Variants in GALNT13 observed in about 807,000 individuals in gnomAD.
GALNT13 encodes the protein UDP-GalNAc:polypeptide N-acetylgalactosaminyltransferase 13.
Under a neutral mutation model 64.2 loss-of-function variants are expected in GALNT13, and 28 were observed. The observed-to-expected ratio is 0.44, with a 90% CI of 0.32 to 0.60. The LOEUF (loss-of-function observed/expected upper bound fraction) is 0.60. GALNT13 is among the 20% of genes least tolerant of loss of function. GALNT13 has a pLI of 0.05. For missense variants in GALNT13, 577 were observed against 669.8 expected (o/e 0.86, Z 1.53); for synonymous variants, 214 against 224.6 (o/e 0.95, Z 0.42).
At chr2:153,699,895 C>T in the GALNT13 span, among the ~76,000 whole-genome samples, 4 of 152,040 alleles carry the variant, frequency 2.6e-5, no homozygotes, top group Non-Finnish European at 2.9e-5. Context: ...GATTCACAGC[C>T]GAATTCTACC....
chr2:153,800,045 G>GCTCTCTTTCTCTCTCTCTCT, the GALNT13 span, among the ~76,000 whole-genome samples: 1 of 118,930 alleles, frequency 8.4e-6, no homozygotes, highest in Non-Finnish European at 1.8e-5. Context: ...CATTTAGTTT[G>GCTCTCTTTCTCTCTCTCTCT]CTCTCTCTCT....
chr2:153,314,362 A>G, the GALNT13 span, among the ~76,000 whole-genome samples: 1 of 152,190 alleles, frequency 6.6e-6, no homozygotes, highest in Admixed American at 6.5e-5. Flanking sequence ...GCCATTTTCA[A>G]TAATGGATAA....
chr2:153,399,753 G>A, the GALNT13 span, among the ~76,000 whole-genome samples: 1 of 152,138 alleles, frequency 6.6e-6, no homozygotes, highest in African/African-American at 2.4e-5. Context: ...AAGAATGCTT[G>A]TGATTTTTGT....
the GALNT13 span, among the ~76,000 whole-genome samples, chr2:153,118,146 C>CACACACACACA: frequency 6.9e-6 from 1 of 144,420 alleles, no homozygotes; most frequent in African/African-American, 2.7e-5. Flanking sequence ...CACACACACA[C>CACACACACACA]CCCACATAAA....
chr2:153,086,686 C>T, the GALNT13 span, among the ~76,000 whole-genome samples: 3 of 151,352 alleles, frequency 2.0e-5, no homozygotes, highest in African/African-American at 7.3e-5. Context: ...CAGACTAATA[C>T]TATTCCTAAG....
At chr2:153,538,363 TTTTA>T in the GALNT13 span, among the ~76,000 whole-genome samples, 1 of 108,470 alleles carries the variant, frequency 9.2e-6, no homozygotes, top group Admixed American at 1.1e-4. Flanking sequence ...TTTATTTTTA[TTTTA>T]TTTATTTTAT....
intron 10 of GALNT13, 127 bp downstream of exon 10, chr2:154,396,257 ACTT>A: frequency 2.0e-6 from 1 of 500,194 alleles, no homozygotes; most frequent in Non-Finnish European, 3.3e-6. Context: ...GTTTTAAACA[ACTT>A]CTCATATTTC....
chr2:153,402,221 A>G, the GALNT13 span, among the ~76,000 whole-genome samples: 1 of 150,976 alleles, frequency 6.6e-6, no homozygotes. Context: ...TTCTGGGTTG[A>G]AAATTCTTTT....
chr2:153,227,027 A>G, the GALNT13 span, among the ~76,000 whole-genome samples: 5 of 152,176 alleles, frequency 3.3e-5, no homozygotes, highest in African/African-American at 1.2e-4. Flanking sequence ...GAGTGGGGCA[A>G]TTCAAGCCAG....
At chr2:153,647,642 A>G in the GALNT13 span, among the ~76,000 whole-genome samples, 12 of 152,258 alleles carry the variant, frequency 7.9e-5, no homozygotes, top group South Asian at 1.7e-3. Flanking sequence ...TAATTTTTGT[A>G]TAAGGTGTAA....
the GALNT13 span, among the ~76,000 whole-genome samples, chr2:153,657,412 G>A: frequency 1.3e-5 from 2 of 152,034 alleles, no homozygotes; most frequent in Non-Finnish European, 2.9e-5. Context: ...CTGTGTGACA[G>A]GCATGGTACT....
chr2:154,212,560 A>T (rs1473628634), intron 4 of GALNT13, among the ~76,000 whole-genome samples: 1 of 151,908 alleles, frequency 6.6e-6, no homozygotes, highest in Non-Finnish European at 1.5e-5. Context: ...ATTTAAATGT[A>T]CATTCTTCTT....
the GALNT13 span, among the ~76,000 whole-genome samples, chr2:153,112,743 C>T: frequency 2.0e-5 from 3 of 151,948 alleles, no homozygotes; most frequent in Admixed American, 1.3e-4. Context: ...ATTAACTTCC[C>T]CTTTAAAAGA....
the GALNT13 span, among the ~76,000 whole-genome samples, chr2:153,538,522 C>G: frequency 1.1e-4 from 9 of 84,026 alleles, no homozygotes; most frequent in African/African-American, 4.6e-4. Flanking sequence ...GGTATATCTC[C>G]CAATGCTATC....
chr2:153,173,097 A>G, the GALNT13 span: 1 of 151,962 alleles, frequency 6.6e-6, no homozygotes, highest in Non-Finnish European at 1.5e-5. Flanking sequence ...ATCTATATCT[A>G]TGTCTATATC....
the GALNT13 span, among the ~76,000 whole-genome samples, chr2:153,614,863 T>G: frequency 6.6e-6 from 1 of 152,092 alleles, no homozygotes; most frequent in Admixed American, 6.6e-5. Flanking sequence ...CCTCAAGCAC[T>G]TATCCTTTTA....
the GALNT13 span, among the ~76,000 whole-genome samples, chr2:153,366,975 A>T: frequency 6.6e-6 from 1 of 150,696 alleles, no homozygotes; most frequent in African/African-American, 2.5e-5. Flanking sequence ...TTTTATACCT[A>T]CTGAACATAA....
chr2:153,132,346 G>A, the GALNT13 span, among the ~76,000 whole-genome samples: 26 of 152,274 alleles, frequency 1.7e-4, no homozygotes, highest in East Asian at 3.9e-3. Flanking sequence ...GGAGGGAGAA[G>A]CTTTAATTCA....
At chr2:153,153,093 C>T in the GALNT13 span, among the ~76,000 whole-genome samples, 1 of 151,946 alleles carries the variant, frequency 6.6e-6, no homozygotes, top group African/African-American at 2.4e-5. Context: ...TTATAATAGC[C>T]ATTCAGACTG....
Sources: gnomAD v4.1 joint callset for allele counts (sites outside exome capture counted in the v4.1 genomes callset) on GRCh38, gnomAD v4.1.1 for gene constraint, MANE v1.5 for transcripts, NCBI Gene and HGNC (gene_info 2026-07-23, HGNC 2026-07-21) for gene names.